MAST3: variants seen among roughly 807,000 people sequenced by gnomAD.
The protein encoded by MAST3 is microtubule-associated serine/threonine-protein kinase 3.
Under a neutral mutation model 127.0 loss-of-function variants are expected in MAST3, and 43 were observed. That is an observed-to-expected ratio of 0.34 (90% CI 0.27 to 0.44). The LOEUF (loss-of-function observed/expected upper bound fraction) is 0.44. Among genes scored for constraint, MAST3 ranks in the 20% least tolerant of loss-of-function variants. The pLI is 1.00. For synonymous variants in MAST3, 785 were observed against 809.2 expected, an observed-to-expected ratio of 0.97 and a Z score of 0.51; for missense variants, 1,390 against 1,919.1, an observed-to-expected ratio of 0.72 and a Z score of 5.15.
rs2042940261 is a variant in MAST3, at chr19:18,145,571, G to A, written c.3040-172G>A. On this transcript the variant is annotated intron_variant, in intron 24 of 27. Transcript: ENST00000687212. The surrounding 1 kb of genome is among the most constrained non-coding windows in gnomAD (Gnocchi z 5.9). ...ACACAGAAGGCTTTCTGGAGAAGGG[G>A]GCGTAGGAGCTGGGGCTTTGATGGG... Among the ~76,000 whole-genome samples, 1 of 149,964 alleles carries A rather than the reference G, an allele frequency of 6.7e-6. No homozygotes were observed. Among genetic ancestry groups the A allele is most frequent in the Non-Finnish European group, 1.5e-5 (1 of 67,568 alleles).
intron 27 of MAST3, among the ~76,000 whole-genome samples, chr19:18,148,676 G>A (rs1383637600): frequency 6.6e-6 from 1 of 151,996 alleles, no homozygotes; most frequent in African/African-American, 2.4e-5. Context: ...GCCAAAGCAG[G>A]CGGATCACTT....
intron 3 of MAST3, among the ~76,000 whole-genome samples, chr19:18,118,753 G>C (rs963851383): frequency 6.6e-6 from 1 of 152,274 alleles, no homozygotes; most frequent in Admixed American, 6.5e-5. Flanking sequence ...AAGCAGAGAG[G>C]ATAAGTGAGG....
intron 1 of MAST3, chr19:18,098,737 C>G (rs570862785): frequency 2.2e-6 from 1 of 456,690 alleles, no homozygotes; most frequent in East Asian, 6.9e-5. Context: ...GGTAGGGAAC[C>G]TGGGATTCAG....
chr19:18,105,992 C>T (rs1163401350), intron 1 of MAST3, among the ~76,000 whole-genome samples: 1 of 152,170 alleles, frequency 6.6e-6, no homozygotes, highest in Non-Finnish European at 1.5e-5. Flanking sequence ...GAGAGGACAA[C>T]TCAGGAATCT....
At chr19:18,127,610 G>A (rs2040806865) in intron 11 of MAST3, among the ~76,000 whole-genome samples, 1 of 152,288 alleles carries the variant, frequency 6.6e-6, no homozygotes, top group Middle Eastern at 3.4e-3. Flanking sequence ...CTTCAACTCA[G>A]GTGGTGGAGG....
chr19:18,145,045 GCT>G lies in MAST3; in HGVS notation c.2860_2861del (p.Leu954ValfsTer8). 2 of 1,608,500 alleles carry G rather than the reference GCT, an allele frequency of 1.2e-6. No homozygotes were observed. Among genetic ancestry groups the G allele is most frequent in the Non-Finnish European group, 1.7e-6 (2 of 1,179,464 alleles). On this transcript the variant is annotated frameshift_variant, in exon 24 of 28. Coordinates refer to ENST00000687212, the MANE Select transcript of MAST3 (RefSeq NM_001393504.1). LOFTEE classifies it high-confidence loss of function. The surrounding 1 kb of genome is among the most constrained non-coding windows in gnomAD (Gnocchi z 5.9). ...CCCCTCATGAGCCCCCTTTCCCCGC[GCT>G]CTCTGTCCTCGAACCCGTCGTCCCG...
chr19:18,148,209 G>A (rs1209063676), intron 27 of MAST3, among the ~76,000 whole-genome samples: 1 of 152,130 alleles, frequency 6.6e-6, no homozygotes, highest in East Asian at 1.9e-4. Context: ...GCTGAGGCAG[G>A]AGAATCGCTT....
intron 19 of MAST3, among the ~76,000 whole-genome samples, chr19:18,138,208 GAAAAAAAAAA>G (rs72398038): frequency 1.6e-4 from 23 of 142,890 alleles, no homozygotes; most frequent in South Asian, 2.2e-4. Flanking sequence ...AAAACTGCCT[GAAAAAAAAAA>G]AAAAAAAAAA....
chr19:18,145,103 C>A lies in MAST3; in HGVS notation c.2913C>A (p.Pro971=). The stretch of plus-strand genomic sequence containing the variant: ...CTTCGCCGAGCCGAGACCCGTCCCC[C>A]GTGTGTGGCAGCCTGCGGCCCCCCA... The part of the protein sequence containing the change: ...RDSSPSRDPS[P]VCGSLRPPIV... Residue 971 remains proline, a synonymous_variant, in exon 24 of 28, where the codon CCC becomes CCA. Transcript: ENST00000687212. The surrounding 1 kb of genome is among the most constrained non-coding windows in gnomAD (Gnocchi z 5.9). 1 of 1,613,782 alleles carries A rather than the reference C, an allele frequency of 6.2e-7. No homozygotes were observed. The highest frequency in any genetic ancestry group is 8.5e-7 in the Non-Finnish European group (1 of 1,179,870).
intron 5 of MAST3, 27 bp downstream of exon 5, chr19:18,121,949 A>G (rs2040027437): frequency 6.2e-7 from 1 of 1,613,806 alleles, no homozygotes. Flanking sequence ...TTTGGGAGAC[A>G]GTGCGGGCAC....
intron 20 of MAST3, among the ~76,000 whole-genome samples, chr19:18,140,702 T>C (rs1312977343): frequency 3.9e-5 from 6 of 152,218 alleles, no homozygotes; most frequent in African/African-American, 1.4e-4. Flanking sequence ...TATTCCATCA[T>C]ATGGATGGAA....
At chr19:18,133,702 C>T (rs559090567) in intron 15 of MAST3, among the ~76,000 whole-genome samples, 82 of 152,048 alleles carry the variant, frequency 5.4e-4, no homozygotes, top group African/African-American at 2.0e-3. Flanking sequence ...TACAGGCATG[C>T]GCCACCACGC....
At chr19:18,128,291 G>A (rs752423711) in intron 11 of MAST3, 109 bp from the exon 12 acceptor site, 16 of 783,678 alleles carry the variant, frequency 2.0e-5, no homozygotes, top group Non-Finnish European at 2.5e-5. Flanking sequence ...GTCAGGGGAG[G>A]CACTGCATCC....
Position 18,149,344 on chromosome 19 carries a change from G to A in MAST3, c.3662G>A (p.Ser1221Asn). The part of the protein sequence containing the change: ...PKTGRRKSTS[S>N]IPPSPLACPP... ...ACTGGCCGCCGCAAGTCCACCAGCA[G>A]CATCCCGCCCTCCCCGCTGGCCTGC... The change falls in exon 28 of 28, where the codon AGC becomes AAC. Residue 1221 changes from serine (S) to asparagine (N), a missense_variant. Coordinates refer to ENST00000687212, the MANE Select transcript of MAST3 (RefSeq NM_001393504.1). The surrounding 1 kb of genome is among the most constrained non-coding windows in gnomAD (Gnocchi z 5.9). 1 of 1,521,008 alleles carries A rather than the reference G, an allele frequency of 6.6e-7. No homozygotes were observed. The highest frequency in any genetic ancestry group is 8.8e-7 in the Non-Finnish European group (1 of 1,136,536). The allele number at this position is 1,521,008 out of a possible 1,614,324, so 94.2% of individuals were successfully genotyped here. A position where few individuals can be genotyped will look rare whatever the true frequency, so the allele number is the denominator to read the frequency against.
chr19:18,141,900 T>C lies in MAST3; in HGVS notation c.2224T>C (p.Phe742Leu). 5 of 1,497,264 alleles carry C rather than the reference T, an allele frequency of 3.3e-6. No homozygotes were observed. The South Asian group carries it at 6.8e-5, about 20-fold the overall frequency. 92.7% of individuals were successfully genotyped at this position (1,497,264 alleles called of 1,614,324 possible). The change falls in exon 21 of 28, where the codon TTC becomes CTC. Residue 742 changes from phenylalanine (F) to leucine (L), a missense_variant. Coordinates refer to ENST00000687212, the MANE Select transcript of MAST3 (RefSeq NM_001393504.1). Reference sequence around the variant, plus strand: ...CTCCCAGGTCTACAGCAGCTCTGAGTTCCTGGCCGTCCAGCCCACTCCTAC... The same window carrying C: ...CTCCCAGGTCTACAGCAGCTCTGAGCTCCTGGCCGTCCAGCCCACTCCTAC... ...RFSKVYSSSE[F>L]LAVQPTPTFA... is the part of the protein sequence containing the mutation.
chr19:18,111,530 CTTTTTTTTT>C (rs576984210), intron 3 of MAST3, among the ~76,000 whole-genome samples: 3 of 103,288 alleles, frequency 2.9e-5, no homozygotes, highest in Non-Finnish European at 3.6e-5. Flanking sequence ...TTTCCACAGA[CTTTTTTTTT>C]TTTTTTTTTT....
At chr19:18,128,365 G>C (rs758169006) in intron 11 of MAST3, 35 bp from the exon 12 acceptor site, 2 of 1,521,596 alleles carry the variant, frequency 1.3e-6, no homozygotes, top group Admixed American at 4.0e-5. Flanking sequence ...GTGAGGCAGG[G>C]AGGCTCCAGC....
chr19:18,121,857 C>T lies in MAST3; in HGVS notation c.255C>T (p.Ser85=). 1 of 1,614,028 alleles carries T rather than the reference C, an allele frequency of 6.2e-7. No homozygotes were observed. The highest frequency in any genetic ancestry group is 8.5e-7 in the Non-Finnish European group (1 of 1,179,894). The part of the protein sequence containing the change: ...PLSPLSVPTG[S]SPLDSPRNFS... ...TCCCCGCCTCCTCCTCAGCAGGCAG[C>T]AGCCCCTTGGATAGTCCTCGGAATT... The change falls in exon 5 of 28, where the codon AGC becomes AGT. Residue 85 remains serine, a synonymous_variant. Transcript: ENST00000687212.
Position 18,146,657 on chromosome 19 carries a change from G to C in MAST3, c.3163-224G>C, listed in dbSNP as rs762570783. ...GTGGAGAGTGAAGAGGGCAGGCCTC[G>C]ATCGGCGTTGACCGCAGAGGGAAGG... On this transcript the variant is annotated intron_variant, in intron 25 of 27. Transcript: ENST00000687212. Among the ~76,000 whole-genome samples the C allele has an allele frequency of 2.0e-5, 3 of 152,260 alleles. No homozygotes were observed. The East Asian group carries it at 5.8e-4, about 29-fold the overall frequency.
Sources: allele counts gnomAD v4.1 joint callset (sites outside exome capture counted in the v4.1 genomes callset), GRCh38; gene constraint gnomAD v4.1.1; non-coding constraint Gnocchi (gnomAD v3.1); transcripts MANE v1.5; gene names NCBI Gene and HGNC (gene_info 2026-07-23, HGNC 2026-07-21).